ADAMTS12: variants seen among roughly 807,000 people sequenced by gnomAD.
ADAMTS12 encodes the protein ADAM metallopeptidase with thrombospondin type 1 motif 12, also known as A disintegrin and metalloproteinase with thrombospondin motifs 12.
A neutral mutation model predicts 167.8 loss-of-function variants in ADAMTS12; 118 were observed. That is an observed-to-expected ratio of 0.70 (90% CI 0.61 to 0.82). ADAMTS12 has a LOEUF of 0.82. Among genes scored for constraint, ADAMTS12 ranks in the 40% least tolerant of loss-of-function variants. The pLI, the probability that ADAMTS12 is intolerant of heterozygous loss-of-function variation, is 0.00. For synonymous variants in ADAMTS12, 704 were observed against 716.9 expected (o/e 0.98, Z 0.29); for missense variants, 1,916 against 1,998.8 (o/e 0.96, Z 0.79).
intron 22 of ADAMTS12, among the ~76,000 whole-genome samples, chr5:33,536,030 T>A (rs1744387446): frequency 1.3e-5 from 2 of 152,180 alleles, no homozygotes; most frequent in East Asian, 3.9e-4. Context: ...GGGAAAGCAG[T>A]TTACATAAGA....
At chr5:33,658,876 A>C (rs181361789) in intron 6 of ADAMTS12, among the ~76,000 whole-genome samples, 26 of 152,342 alleles carry the variant, frequency 1.7e-4, no homozygotes, top group African/African-American at 5.8e-4. Flanking sequence ...GAGAGAATGC[A>C]TGCCTGTGTG....
intron 2 of ADAMTS12, among the ~76,000 whole-genome samples, chr5:33,856,226 T>C (rs1749397349): frequency 6.6e-6 from 1 of 152,142 alleles, no homozygotes; most frequent in Non-Finnish European, 1.5e-5. Flanking sequence ...TGTTGAATAA[T>C]ACACACACAT....
chr5:33,771,354 A>G (rs529747690), intron 2 of ADAMTS12, among the ~76,000 whole-genome samples: 2 of 152,304 alleles, frequency 1.3e-5, no homozygotes, highest in African/African-American at 4.8e-5. Context: ...AGCCTGTATG[A>G]ATGAGTGGGT....
intron 20 of ADAMTS12, 98 bp from the exon 21 acceptor site, chr5:33,549,481 A>G: frequency 7.0e-7 from 1 of 1,429,616 alleles, no homozygotes; most frequent in Non-Finnish European, 9.6e-7. Context: ...TTCAGTCATA[A>G]AGAGGGGTTA....
intron 16 of ADAMTS12, among the ~76,000 whole-genome samples, chr5:33,607,538 T>C (rs967514887): frequency 3.3e-5 from 5 of 152,208 alleles, no homozygotes; most frequent in Admixed American, 6.5e-5. Flanking sequence ...TTTTTCTAGT[T>C]CCGTGAAGAA....
Position 33,690,166 on chromosome 5 carries a change from T to C in ADAMTS12, c.635-6111A>G, listed in dbSNP as rs576580284. Among the ~76,000 whole-genome samples the C allele has an allele frequency of 1.1e-3, 172 of 152,370 alleles. 5 individuals are homozygous for C. The South Asian group carries it at 0.026, about 23-fold the overall frequency. ...GTGTGCATCCATTAGCAACAAGGGCTGAGCAGCCCGAGGGGCCCATCTCTC... is the reference window on the plus strand; with the variant it reads ...GTGTGCATCCATTAGCAACAAGGGCCGAGCAGCCCGAGGGGCCCATCTCTC... On this transcript the variant is annotated intron_variant, in intron 3 of 23. Transcript: ENST00000504830.
chr5:33,681,746 G>A (rs902541002), intron 5 of ADAMTS12, among the ~76,000 whole-genome samples: 1 of 152,198 alleles, frequency 6.6e-6, no homozygotes, highest in South Asian at 2.1e-4. Flanking sequence ...GAAGGCGCCA[G>A]TCATGTGCAG....
At chr5:33,528,545 A>G (rs915698453) in intron 23 of ADAMTS12, among the ~76,000 whole-genome samples, 2 of 152,242 alleles carry the variant, frequency 1.3e-5, no homozygotes, top group African/African-American at 4.8e-5. Flanking sequence ...ACTACATTTC[A>G]TCTTTACAGT....
chr5:33,790,804 TATATATGC>T (rs1746533929), intron 2 of ADAMTS12, among the ~76,000 whole-genome samples: 1 of 146,636 alleles, frequency 6.8e-6, no homozygotes, highest in African/African-American at 2.6e-5. Flanking sequence ...TATATATATA[TATATATGC>T]ATGTTGATAT....
intron 7 of ADAMTS12, among the ~76,000 whole-genome samples, chr5:33,655,620 GT>G (rs1561197388): frequency 3.5e-4 from 46 of 131,672 alleles, no homozygotes; most frequent in East Asian, 1.3e-3. Flanking sequence ...TTTTTTTTTA[GT>G]TTTATTTATT....
At chr5:33,717,065 T>C (rs886234914) in intron 3 of ADAMTS12, among the ~76,000 whole-genome samples, 1 of 151,892 alleles carries the variant, frequency 6.6e-6, no homozygotes, top group Non-Finnish European at 1.5e-5. Context: ...TATGACTCTA[T>C]CAGTTTGGAA....
At chr5:33,575,068 A>T (rs774998027) in intron 19 of ADAMTS12, among the ~76,000 whole-genome samples, 12 of 152,162 alleles carry the variant, frequency 7.9e-5, no homozygotes, top group Non-Finnish European at 1.6e-4. Flanking sequence ...ACCTAGCCAA[A>T]TTTCTGGAGC....
chr5:33,853,807 G>A (rs1457599606), intron 2 of ADAMTS12, among the ~76,000 whole-genome samples: 1 of 152,188 alleles, frequency 6.6e-6, no homozygotes, highest in African/African-American at 2.4e-5. Context: ...AATCACCTGG[G>A]GATCTTGTTA....
intron 22 of ADAMTS12, among the ~76,000 whole-genome samples, chr5:33,538,471 G>A (rs147164725): frequency 6.6e-6 from 1 of 152,222 alleles, no homozygotes; most frequent in Non-Finnish European, 1.5e-5. Context: ...GCTTCTGATT[G>A]GGTTTTCTTG....
chr5:33,637,257 A>T, intron 12 of ADAMTS12, among the ~76,000 whole-genome samples: 2 of 152,306 alleles, frequency 1.3e-5, no homozygotes, highest in East Asian at 3.9e-4. Context: ...TCTCATGTCC[A>T]TCAACAAGCA....
At chr5:33,808,684 A>G (rs1747332240) in intron 2 of ADAMTS12, among the ~76,000 whole-genome samples, 1 of 152,240 alleles carries the variant, frequency 6.6e-6, no homozygotes, top group Admixed American at 6.5e-5. Context: ...ATACATTCAT[A>G]TGAAAGAACT....
intron 2 of ADAMTS12, among the ~76,000 whole-genome samples, chr5:33,786,312 C>T (rs914019538): frequency 6.6e-6 from 1 of 152,036 alleles, no homozygotes; most frequent in African/African-American, 2.4e-5. Flanking sequence ...GTAAATGATA[C>T]CTCAATAAGG....
chr5:33,712,865 G>A (rs912385170), intron 3 of ADAMTS12, among the ~76,000 whole-genome samples: 5 of 152,118 alleles, frequency 3.3e-5, no homozygotes, highest in African/African-American at 1.2e-4. Flanking sequence ...CTTTGGGGCT[G>A]CAAAGTTGCC....
intron 16 of ADAMTS12, among the ~76,000 whole-genome samples, chr5:33,612,059 T>A (rs959643614): frequency 6.6e-6 from 1 of 152,250 alleles, no homozygotes; most frequent in African/African-American, 2.4e-5. Context: ...CCTTCCAATG[T>A]TACATTTAGC....
Sources: allele counts gnomAD v4.1 joint callset (sites outside exome capture counted in the v4.1 genomes callset), GRCh38; gene constraint gnomAD v4.1.1; transcripts MANE v1.5; gene names NCBI Gene and HGNC (gene_info 2026-07-23, HGNC 2026-07-21).